HTR2C: variants seen among roughly 807,000 people sequenced by gnomAD.
HTR2C encodes 5-hydroxytryptamine receptor 2C.
HTR2C carries 5 observed loss-of-function variants against 21.0 expected under a neutral mutation model. That is an observed-to-expected ratio of 0.24 (90% confidence interval 0.12 to 0.50). The LOEUF is 0.50. Ranked by LOEUF, HTR2C falls within the 20% of genes least tolerant of loss-of-function variation. The probability of loss-of-function intolerance (pLI) is 0.98; values close to 1 mark genes in which losing one functional copy is unlikely to be tolerated. For missense variants in HTR2C, 271 were observed against 371.2 expected, an observed-to-expected ratio of 0.73 and a Z score of 2.22; for synonymous variants, 150 against 145.3, an observed-to-expected ratio of 1.03 and a Z score of -0.23.
chrX:114,646,199 A>C lies in HTR2C; in HGVS notation c.-80+32318A>C, dbSNP rs182501803. ...TAGGTAAAATCATCTAGGTTATTAA[A>C]ATTATTTAAAGCATATTTAGATTTT... On this transcript the variant is annotated intron_variant, in intron 2 of 5. Transcript: ENST00000276198. 1.3e-3 allele frequency among the ~76,000 whole-genome samples: 148 copies of C among 111,848 alleles called. 2 individuals carry two copies. The South Asian group carries it at 0.016, about 12-fold the overall frequency.
At chrX:114,808,195 C>G (rs1285465562) in intron 4 of HTR2C, among the ~76,000 whole-genome samples, 1 of 110,954 alleles carries the variant, frequency 9.0e-6, no homozygotes, top group Non-Finnish European at 1.9e-5. Context: ...ATTTTTTTAG[C>G]TCCCATTTAT....
chrX:114,837,037 CTTTAG>C (rs1556464289), intron 4 of HTR2C, among the ~76,000 whole-genome samples: 2 of 111,411 alleles, frequency 1.8e-5, no homozygotes, highest in African/African-American at 3.3e-5. Flanking sequence ...GAGAGACATA[CTTTAG>C]TTTAAGAAAG....
chrX:114,726,194 C>T (rs1038634936), intron 2 of HTR2C, among the ~76,000 whole-genome samples: 24 of 112,586 alleles, frequency 2.1e-4, no homozygotes, highest in African/African-American at 5.8e-4. Flanking sequence ...CCCTCGGAAC[C>T]AGGTGCAGGA....
rs926430118 is a variant in HTR2C at position 114,909,259 on chromosome X, A to G, written c.*1844A>G. 5.3e-5 allele frequency: 6 copies of G among 112,814 alleles called. No individual in the cohort carries two copies. The highest frequency in any genetic ancestry group is 1.1e-4 in the Non-Finnish European group (6 of 53,317). The allele number at this position is 112,814 out of a possible 1,213,427, so 9.3% of individuals were successfully genotyped here. On this transcript the variant is annotated 3_prime_UTR_variant, in exon 6 of 6. Transcript: ENST00000276198. The stretch of plus-strand genomic sequence containing the variant: ...GCATGTTAAAATAATTATATGAAGC[A>G]GAATGAGATGATTTAATTCTTACCG...
intron 2 of HTR2C, among the ~76,000 whole-genome samples, chrX:114,617,181 G>A (rs1426801983): frequency 8.9e-6 from 1 of 112,395 alleles, no homozygotes; most frequent in African/African-American, 3.2e-5. Context: ...GCTCATGCCT[G>A]TAATCCCAGC....
At chrX:114,806,955 A>C (rs1431915989) in intron 4 of HTR2C, among the ~76,000 whole-genome samples, 1 of 95,402 alleles carries the variant, frequency 1.0e-5, no homozygotes, top group African/African-American at 3.7e-5. Context: ...CATATATACC[A>C]TATGTATATA....
At chrX:114,749,871 T>A (rs937739526) in intron 4 of HTR2C, among the ~76,000 whole-genome samples, 1 of 112,289 alleles carries the variant, frequency 8.9e-6, no homozygotes, top group Non-Finnish European at 1.9e-5. Flanking sequence ...TTACATGATA[T>A]TTCAATATAT....
At chrX:114,660,111 C>T (rs1214104653) in intron 2 of HTR2C, among the ~76,000 whole-genome samples, 1 of 111,624 alleles carries the variant, frequency 9.0e-6, no homozygotes, top group Non-Finnish European at 1.9e-5. Context: ...AACCACATGT[C>T]GGTATCTTTA....
At chrX:114,669,875 C>A (rs1035899326) in intron 2 of HTR2C, among the ~76,000 whole-genome samples, 6 of 112,244 alleles carry the variant, frequency 5.3e-5, no homozygotes, top group Non-Finnish European at 7.5e-5. Context: ...TTGTTCATAA[C>A]CTCATTTAAA....
At chrX:114,834,612 A>T (rs1195673846) in intron 4 of HTR2C, among the ~76,000 whole-genome samples, 2 of 104,795 alleles carry the variant, frequency 1.9e-5, no homozygotes, top group Non-Finnish European at 3.9e-5. Flanking sequence ...TGCACGTGAG[A>T]TGGGTTTCCT....
At chrX:114,598,387 A>G (rs1294773238) in intron 1 of HTR2C, among the ~76,000 whole-genome samples, 1 of 111,745 alleles carries the variant, frequency 8.9e-6, no homozygotes, top group African/African-American at 3.3e-5. Flanking sequence ...GGAGTCATTC[A>G]TATTCAGTCC....
intron 5 of HTR2C, among the ~76,000 whole-genome samples, chrX:114,888,565 T>G (rs1052152567): frequency 8.9e-6 from 1 of 111,941 alleles, no homozygotes; most frequent in Non-Finnish European, 1.9e-5. Context: ...GGGAACCTTG[T>G]GCATTAGCTC....
chrX:114,888,795 C>T (rs1328614384), intron 5 of HTR2C, among the ~76,000 whole-genome samples: 4 of 112,214 alleles, frequency 3.6e-5, no homozygotes, highest in African/African-American at 1.3e-4. Context: ...GAAAGTAAAT[C>T]TGTGGAGTTC....
chrX:114,857,507 G>C (rs2070972398), intron 5 of HTR2C, among the ~76,000 whole-genome samples: 1 of 110,956 alleles, frequency 9.0e-6, no homozygotes, highest in Admixed American at 9.6e-5. Flanking sequence ...ATAATGTTGG[G>C]CACTTTTTGT....
intron 5 of HTR2C, among the ~76,000 whole-genome samples, chrX:114,891,760 A>G (rs996515362): frequency 2.7e-5 from 3 of 110,947 alleles, no homozygotes; most frequent in African/African-American, 9.8e-5. Context: ...AGATCCTTCA[A>G]TGTATCATAA....
In HTR2C at chrX:114,823,248, G is replaced by A. The variant is rs189821102; in HGVS notation, c.350-24755G>A. 7.5e-4 allele frequency among the ~76,000 whole-genome samples: 84 copies of A among 111,328 alleles called. 1 individual carries two copies. Among genetic ancestry groups the A allele is most frequent in the Admixed American group, 5.8e-3 (61 of 10,441 alleles). On this transcript the variant is annotated intron_variant, in intron 4 of 5. Transcript: ENST00000276198. ...GGGAAATGATATTTTTGAGATAAGGGGTTTAAGTTCAAGTAAGAGATGAGT... is the reference window on the plus strand; with the variant it reads ...GGGAAATGATATTTTTGAGATAAGGAGTTTAAGTTCAAGTAAGAGATGAGT...
intron 4 of HTR2C, among the ~76,000 whole-genome samples, chrX:114,783,374 T>C (rs781816104): frequency 8.9e-6 from 1 of 111,922 alleles, no homozygotes; most frequent in African/African-American, 3.2e-5. Context: ...AGAACATTAC[T>C]GGAGACGTAG....
chrX:114,861,237 T>A (rs920646537), intron 5 of HTR2C, among the ~76,000 whole-genome samples: 1 of 111,324 alleles, frequency 9.0e-6, no homozygotes, highest in Non-Finnish European at 1.9e-5. Flanking sequence ...ATATTTCAAT[T>A]TTTCTTTAGT....
At chrX:114,795,467 AG>A (rs1266235737) in intron 4 of HTR2C, among the ~76,000 whole-genome samples, 2 of 111,020 alleles carry the variant, frequency 1.8e-5, no homozygotes, top group East Asian at 2.9e-4. Flanking sequence ...GGTATTACCT[AG>A]GTTTTCTTCT....
Sources: allele counts gnomAD v4.1 joint callset (sites outside exome capture counted in the v4.1 genomes callset), GRCh38; gene constraint gnomAD v4.1.1; transcripts MANE v1.5; gene names NCBI Gene and HGNC (gene_info 2026-07-23, HGNC 2026-07-21).